CSMD1: variants seen among roughly 807,000 people sequenced by gnomAD.
CSMD1 encodes CUB and sushi domain-containing protein 1.
CSMD1 carries 213 observed loss-of-function variants against 417.5 expected under a neutral mutation model. The observed-to-expected ratio is 0.51, with a 90% confidence interval of 0.46 to 0.57. The LOEUF (loss-of-function observed/expected upper bound fraction) is 0.57, where lower values mean the gene tolerates loss of function less well. Among genes scored for constraint, CSMD1 ranks in the 20% least tolerant of loss-of-function variants. The probability of loss-of-function intolerance (pLI) is 0.00; values close to 1 mark genes in which losing one functional copy is unlikely to be tolerated. For missense variants in CSMD1, 6,923 were observed against 4,529.7 expected, an observed-to-expected ratio of 1.53 and a Z score of -15.17; for synonymous variants, 2,862 against 1,736.8, an observed-to-expected ratio of 1.65 and a Z score of -16.11.
At chr8:4,755,697 C>T (rs995444007) in intron 1 of CSMD1, among the ~76,000 whole-genome samples, 3 of 152,200 alleles carry the variant, frequency 2.0e-5, no homozygotes, top group Non-Finnish European at 2.9e-5. Context: ...GTTAAAGTTT[C>T]ACACAATTTT....
intron 10 of CSMD1, among the ~76,000 whole-genome samples, chr8:3,516,018 T>C (rs1797268313): frequency 6.6e-6 from 1 of 152,194 alleles, no homozygotes; most frequent in South Asian, 2.1e-4. Flanking sequence ...CTCAATTAAC[T>C]CAACATCTCT....
At chr8:4,398,413 G>C (rs1355192763) in intron 3 of CSMD1, among the ~76,000 whole-genome samples, 1 of 73,828 alleles carries the variant, frequency 1.4e-5, no homozygotes, top group Non-Finnish European at 2.7e-5. Context: ...TTTTTTGTGA[G>C]ATAGAGTCTC....
At chr8:4,592,927 T>C (rs1487835451) in intron 2 of CSMD1, among the ~76,000 whole-genome samples, 1 of 152,198 alleles carries the variant, frequency 6.6e-6, no homozygotes, top group Non-Finnish European at 1.5e-5. Context: ...GAATCAGCAT[T>C]TATTTATATG....
At chr8:4,210,840 C>A (rs967186749) in intron 3 of CSMD1, among the ~76,000 whole-genome samples, 4 of 152,004 alleles carry the variant, frequency 2.6e-5, no homozygotes, top group Admixed American at 6.6e-5. Context: ...TCATGTATCT[C>A]GGGAAAGAAA....
intron 3 of CSMD1, among the ~76,000 whole-genome samples, chr8:4,399,720 G>C (rs920760054): frequency 2.0e-5 from 3 of 152,066 alleles, no homozygotes; most frequent in Non-Finnish European, 4.4e-5. Context: ...GTTTTACCTT[G>C]AATCTAATGA....
chr8:3,241,071 G>GA (rs1462621576), intron 26 of CSMD1, among the ~76,000 whole-genome samples: 7 of 150,064 alleles, frequency 4.7e-5, no homozygotes, highest in Admixed American at 1.3e-4. Context: ...TAAGGTGAGG[G>GA]GATACAAGAG....
intron 3 of CSMD1, among the ~76,000 whole-genome samples, chr8:4,269,692 G>C (rs900440339): frequency 2.0e-5 from 3 of 152,010 alleles, no homozygotes; most frequent in Non-Finnish European, 2.9e-5. Flanking sequence ...TTTCTTTGCA[G>C]TTTATCAATT....
At chr8:4,649,440 G>C (rs1803741628) in intron 1 of CSMD1, among the ~76,000 whole-genome samples, 1 of 152,194 alleles carries the variant, frequency 6.6e-6, no homozygotes, top group South Asian at 2.1e-4. Context: ...AAACTAAAGA[G>C]CTTGAGTGAT....
At chr8:3,943,061 C>T (rs996463462) in intron 5 of CSMD1, among the ~76,000 whole-genome samples, 1 of 151,964 alleles carries the variant, frequency 6.6e-6, no homozygotes, top group African/African-American at 2.4e-5. Flanking sequence ...AAGATAAATG[C>T]AATAAAATCT....
chr8:3,048,902 C>G (rs1164170685), intron 50 of CSMD1, among the ~76,000 whole-genome samples: 2 of 150,722 alleles, frequency 1.3e-5, no homozygotes, highest in Non-Finnish European at 3.0e-5. Flanking sequence ...AGTTAACAAC[C>G]TGGCTAAAAA....
chr8:4,268,288 G>A (rs1440553033), intron 3 of CSMD1, among the ~76,000 whole-genome samples: 1 of 152,108 alleles, frequency 6.6e-6, no homozygotes, highest in Non-Finnish European at 1.5e-5. Flanking sequence ...TGAACAAAAT[G>A]ATGACTACAG....
intron 10 of CSMD1, among the ~76,000 whole-genome samples, chr8:3,552,305 GA>G (rs1339021493): frequency 1.3e-5 from 2 of 151,680 alleles, no homozygotes; most frequent in African/African-American, 2.4e-5. Flanking sequence ...CACATGGCAT[GA>G]AAAAATAAGG....
chr8:4,408,705 C>A (rs953321188), intron 3 of CSMD1, among the ~76,000 whole-genome samples: 1 of 152,108 alleles, frequency 6.6e-6, no homozygotes, highest in Non-Finnish European at 1.5e-5. Flanking sequence ...CCATAGTTGA[C>A]CAGCTCTCAG....
intron 1 of CSMD1, among the ~76,000 whole-genome samples, chr8:4,946,845 T>C (rs968549447): frequency 1.3e-5 from 2 of 152,232 alleles, no homozygotes; most frequent in African/African-American, 2.4e-5. Flanking sequence ...TACACATTTA[T>C]TTTGACATAA....
chr8:3,941,775 T>C (rs1339254334), intron 5 of CSMD1, among the ~76,000 whole-genome samples: 3 of 152,192 alleles, frequency 2.0e-5, no homozygotes, highest in East Asian at 1.9e-4. Flanking sequence ...CACAATTCTT[T>C]GATTCCAATT....
rs1802733326 is a variant in CSMD1 at position 3,729,944 on chromosome 8, A to C, written c.932-21453T>G. On this transcript the variant is annotated intron_variant, in intron 6 of 69. Coordinates refer to ENST00000635120, the MANE Select transcript of CSMD1 (RefSeq NM_033225.6). Reference sequence around the variant, plus strand: ...AAGTAAAAAAAAAAAAAAAAAAAAAAAAAAAAAAAAAAAAAAACAAAAACA... The same window carrying C: ...AAGTAAAAAAAAAAAAAAAAAAAAACAAAAAAAAAAAAAAAAACAAAAACA... Among the ~76,000 whole-genome samples, 5 of 18,222 alleles carry C rather than the reference A, an allele frequency of 2.7e-4. 1 individual carries two copies. Among genetic ancestry groups the C allele is most frequent in the Non-Finnish European group, 2.4e-3 (5 of 2,076 alleles). 12.0% of individuals were successfully genotyped at this position (18,222 alleles called of 152,430 possible). A position where few individuals can be genotyped will look rare whatever the true frequency, so the allele number is the denominator to read the frequency against.
chr8:2,963,733 G>C (rs139438105), intron 59 of CSMD1, among the ~76,000 whole-genome samples: 13 of 152,290 alleles, frequency 8.5e-5, no homozygotes, highest in African/African-American at 3.1e-4. Context: ...AAGACAATTC[G>C]AATGAGGATT....
intron 3 of CSMD1, among the ~76,000 whole-genome samples, chr8:4,351,949 ATT>A (rs33935906): frequency 4.6e-4 from 65 of 141,694 alleles, no homozygotes; most frequent in Non-Finnish European, 5.5e-4. Context: ...CCTTTATGCT[ATT>A]TTTTTTTTTT....
chr8:4,283,614 A>C (rs560464980), intron 3 of CSMD1, among the ~76,000 whole-genome samples: 1 of 152,338 alleles, frequency 6.6e-6, no homozygotes, highest in African/African-American at 2.4e-5. Flanking sequence ...TGGGGACACG[A>C]AACTTTCCCA....
Sources: allele counts gnomAD v4.1 joint callset (sites outside exome capture counted in the v4.1 genomes callset), GRCh38; gene constraint gnomAD v4.1.1; transcripts MANE v1.5; gene names NCBI Gene and HGNC (gene_info 2026-07-23, HGNC 2026-07-21).